Variants in CYREN observed in about 807,000 individuals in gnomAD.
The protein encoded by CYREN is cell cycle regulator of non-homologous end joining.
In CYREN, 7 loss-of-function variants were observed where a neutral mutation model predicts 9.7. That is an observed-to-expected ratio of 0.72 (90% confidence interval 0.41 to 1.36). The LOEUF is 1.36. Ranked by LOEUF, CYREN falls within the 40% of genes most tolerant of loss-of-function variation. CYREN has a pLI of 0.01. For missense variants in CYREN, 215 were observed against 198.1 expected (o/e 1.09, Z -0.51); for synonymous variants, 76 against 77.9 (o/e 0.98, Z 0.13).
chr7:135,166,944 C>T (rs751867422), intron 3 of CYREN, 73 bp from the exon 4 acceptor site: 3 of 1,563,746 alleles, frequency 1.9e-6, no homozygotes, highest in Non-Finnish European at 2.6e-6. Context: ...GTCAGTAACA[C>T]AGGATGTATC....
chr7:135,138,016 A>G (rs1307639042), intron 2 of CYREN, among the ~76,000 whole-genome samples: 1 of 126,220 alleles, frequency 7.9e-6, no homozygotes, highest in Non-Finnish European at 1.8e-5. Context: ...TAGGATTGCA[A>G]CATATGAAAT....
At chr7:135,143,089 G>C (rs532832635) in intron 2 of CYREN, among the ~76,000 whole-genome samples, 1 of 152,330 alleles carries the variant, frequency 6.6e-6, no homozygotes, top group South Asian at 2.1e-4. Flanking sequence ...GCTCATGCCT[G>C]TAATCCCAGC....
At chr7:135,107,583 T>A (rs1824933277) in intron 2 of CYREN, among the ~76,000 whole-genome samples, 1 of 152,194 alleles carries the variant, frequency 6.6e-6, no homozygotes, top group South Asian at 2.1e-4. Flanking sequence ...TAGGAGTGTG[T>A]TGGTTATGAT....
intron 2 of CYREN, among the ~76,000 whole-genome samples, chr7:135,107,837 G>A (rs1824979241): frequency 6.6e-6 from 1 of 152,108 alleles, no homozygotes; most frequent in Non-Finnish European, 1.5e-5. Flanking sequence ...TATTTTGTGT[G>A]GGAATCTAAG....
intron 2 of CYREN, among the ~76,000 whole-genome samples, chr7:135,114,643 C>CA (rs1826074104): frequency 1.3e-5 from 2 of 152,092 alleles, no homozygotes; most frequent in Non-Finnish European, 2.9e-5. Context: ...AGAATACTCC[C>CA]ACCCCACTTC....
intron 2 of CYREN, 91 bp downstream of exon 2, chr7:135,168,690 GCTGTT>G: frequency 1.3e-6 from 2 of 1,494,758 alleles, no homozygotes; most frequent in Admixed American, 4.3e-5. Context: ...CGCCCATCTT[GCTGTT>G]CTGCCTAGGC....
chr7:135,168,660 G>A, intron 2 of CYREN, 126 bp downstream of exon 2: 1 of 1,405,642 alleles, frequency 7.1e-7, no homozygotes, highest in Non-Finnish European at 9.5e-7. Flanking sequence ...AAGCTCAAGA[G>A]ATGATCAGAC....
At chr7:135,158,538 AT>A (rs1829850642) in intron 2 of CYREN, among the ~76,000 whole-genome samples, 1 of 152,096 alleles carries the variant, frequency 6.6e-6, no homozygotes, top group Non-Finnish European at 1.5e-5. Context: ...TGTCCTAGAT[AT>A]GTGTAGGATG....
chr7:135,110,784 C>T (rs979558150), intron 2 of CYREN, among the ~76,000 whole-genome samples: 2 of 152,192 alleles, frequency 1.3e-5, no homozygotes, highest in African/African-American at 2.4e-5. Flanking sequence ...TAGCCAGCCT[C>T]CCAACCACTT....
chr7:135,133,748 T>A (rs759827130), intron 2 of CYREN, among the ~76,000 whole-genome samples: 70 of 152,226 alleles, frequency 4.6e-4, no homozygotes, highest in South Asian at 1.0e-3. Flanking sequence ...TAAACTTACA[T>A]CTTATACAAA....
intron 2 of CYREN, among the ~76,000 whole-genome samples, chr7:135,134,490 T>G (rs1012153263): frequency 6.6e-6 from 1 of 152,110 alleles, no homozygotes; most frequent in African/African-American, 2.4e-5. Flanking sequence ...ATAAACAGAA[T>G]AGATTTTTAG....
At chr7:135,116,986 GTGT>G (rs1417976786) in intron 2 of CYREN, among the ~76,000 whole-genome samples, 2 of 152,166 alleles carry the variant, frequency 1.3e-5, no homozygotes, top group African/African-American at 4.8e-5. Flanking sequence ...AGACACCATT[GTGT>G]TGTTCCTTTG....
rs1829661262 is a variant in CYREN, at chr7:135,151,336, T to G, written n.356+17413A>C. On this transcript the variant is annotated intron_variant and non_coding_transcript_variant, in intron 2 of 2. Coordinates refer to the CYREN transcript ENST00000459937. The surrounding 1 kb of genome is among the most constrained non-coding windows in gnomAD (Gnocchi z 4.3). The stretch of plus-strand genomic sequence containing the variant: ...TCTACCAAAGGAAATATGACACATT[T>G]CCCTTTCTTCTTCCCTTTTTATTTT... Among the ~76,000 whole-genome samples the G allele has an allele frequency of 6.6e-6, 1 of 152,110 alleles. No homozygotes were observed. Among genetic ancestry groups the G allele is most frequent in the South Asian group, 2.1e-4 (1 of 4,836 alleles).
intron 2 of CYREN, among the ~76,000 whole-genome samples, chr7:135,157,756 G>T (rs1163727682): frequency 6.6e-6 from 1 of 152,226 alleles, no homozygotes; most frequent in Non-Finnish European, 1.5e-5. Flanking sequence ...ACCTGTAGCA[G>T]GGTGGTGGGC....
downstream of CYREN, chr7:135,164,461 G>A (rs3800592): frequency 0.51 from 807,250 of 1,598,062 alleles, 207,519 homozygotes; most frequent in South Asian, 0.65. Context: ...CCAAGGCCTC[G>A]GTGGCGCGAC....
At chr7:135,124,847 C>A (rs185855728) in intron 2 of CYREN, among the ~76,000 whole-genome samples, 91 of 152,154 alleles carry the variant, frequency 6.0e-4, no homozygotes, top group Non-Finnish European at 1.2e-3. Context: ...TCTTTGAAAC[C>A]AATGAGAACA....
At chr7:135,156,188 C>A (rs1418365516) in intron 2 of CYREN, among the ~76,000 whole-genome samples, 2 of 152,154 alleles carry the variant, frequency 1.3e-5, no homozygotes, top group East Asian at 3.9e-4. Context: ...CTTTCTTTCA[C>A]TTGACTTCAG....
At chr7:135,125,732 G>A (rs1457682377) in intron 2 of CYREN, among the ~76,000 whole-genome samples, 3 of 152,130 alleles carry the variant, frequency 2.0e-5, no homozygotes, top group African/African-American at 7.2e-5. Flanking sequence ...ATGCAAGGCT[G>A]GTTCAACATA....
intron 2 of CYREN, among the ~76,000 whole-genome samples, chr7:135,098,049 C>T (rs1215933886): frequency 1.3e-5 from 2 of 151,872 alleles, no homozygotes; most frequent in South Asian, 2.1e-4. Context: ...ATATGGAGAC[C>T]CTACATGATG....
Sources: allele counts gnomAD v4.1 joint callset (sites outside exome capture counted in the v4.1 genomes callset), GRCh38; gene constraint gnomAD v4.1.1; non-coding constraint Gnocchi (gnomAD v3.1); transcripts MANE v1.5; gene names NCBI Gene and HGNC (gene_info 2026-07-23, HGNC 2026-07-21).